Variants in XYLT1 observed in about 807,000 individuals in gnomAD.
XYLT1 encodes xylosyltransferase 1, also known as beta-D-xylosyltransferase 1.
A neutral mutation model predicts 91.3 loss-of-function variants in XYLT1; 36 were observed. The observed-to-expected ratio is 0.39, with a 90% CI of 0.30 to 0.52. The LOEUF is 0.52. Ranked by LOEUF, XYLT1 falls within the 20% of genes least tolerant of loss-of-function variation. The probability of loss-of-function intolerance (pLI) is 0.68; values close to 1 mark genes in which losing one functional copy is unlikely to be tolerated. For synonymous variants in XYLT1, 588 were observed against 532.0 expected (o/e 1.11, Z -1.45); for missense variants, 1,242 against 1,284.5 (o/e 0.97, Z 0.51).
At chr16:17,229,775 A>G (rs1450807710) in intron 3 of XYLT1, among the ~76,000 whole-genome samples, 2 of 152,252 alleles carry the variant, frequency 1.3e-5, no homozygotes, top group African/African-American at 4.8e-5. Flanking sequence ...AATAAGCTGT[A>G]TGTGAGTGTA....
At chr16:17,145,122 A>G (rs780876058) in intron 6 of XYLT1, among the ~76,000 whole-genome samples, 2 of 152,196 alleles carry the variant, frequency 1.3e-5, no homozygotes, top group African/African-American at 4.8e-5. Flanking sequence ...GTCATACAAT[A>G]TATGGCCTTT....
At chr16:17,125,503 C>A (rs538897398) in intron 10 of XYLT1, among the ~76,000 whole-genome samples, 4 of 152,082 alleles carry the variant, frequency 2.6e-5, no homozygotes, top group Non-Finnish European at 5.9e-5. Flanking sequence ...CTCGAGTACT[C>A]CTAGCTCATT....
chr16:17,446,289 CTAAG>C (rs1596550248), intron 1 of XYLT1: 2 of 152,306 alleles, frequency 1.3e-5, no homozygotes, highest in East Asian at 3.9e-4. Flanking sequence ...ATAAAGATGA[CTAAG>C]TGAGACAACA....
At chr16:17,273,040 C>A (rs1321130095) in intron 2 of XYLT1, among the ~76,000 whole-genome samples, 1 of 152,190 alleles carries the variant, frequency 6.6e-6, no homozygotes, top group African/African-American at 2.4e-5. Context: ...CGTGGCTGGA[C>A]AATGAAGAGC....
chr16:17,417,704 G>A (rs1049610112), intron 1 of XYLT1, among the ~76,000 whole-genome samples: 1 of 152,226 alleles, frequency 6.6e-6, no homozygotes, highest in East Asian at 1.9e-4. Context: ...TCGAAAGGTA[G>A]TGTCTTATTC....
At chr16:17,110,484 C>T (rs1240057250) in intron 11 of XYLT1, among the ~76,000 whole-genome samples, 2 of 152,150 alleles carry the variant, frequency 1.3e-5, no homozygotes, top group East Asian at 1.9e-4. Flanking sequence ...GGCCTGCCAC[C>T]GTGTAAGATG....
At chr16:17,368,445 T>C (rs559138082) in intron 1 of XYLT1, among the ~76,000 whole-genome samples, 41 of 152,170 alleles carry the variant, frequency 2.7e-4, no homozygotes, top group Non-Finnish European at 4.9e-4. Context: ...ACCGCTATCA[T>C]TGGTTAAGTC....
chr16:17,149,603 T>C (rs1046675428), intron 6 of XYLT1, among the ~76,000 whole-genome samples: 23 of 152,318 alleles, frequency 1.5e-4, no homozygotes, highest in African/African-American at 5.5e-4. Context: ...CAGTCAGCTA[T>C]GTGAACAGGC....
intron 1 of XYLT1, among the ~76,000 whole-genome samples, chr16:17,411,397 T>G (rs2036105507): frequency 6.6e-6 from 1 of 152,194 alleles, no homozygotes; most frequent in Non-Finnish European, 1.5e-5. Context: ...TATCTAAATT[T>G]CATTGTATTG....
At chr16:17,139,915 G>T (rs1202508735) in intron 7 of XYLT1, among the ~76,000 whole-genome samples, 2 of 152,224 alleles carry the variant, frequency 1.3e-5, no homozygotes, top group African/African-American at 4.8e-5. Context: ...GCTTGGCACT[G>T]CCCCAGACAC....
At chr16:17,170,397 C>T (rs2031795762) in intron 5 of XYLT1, among the ~76,000 whole-genome samples, 1 of 152,208 alleles carries the variant, frequency 6.6e-6, no homozygotes. Context: ...AGGCCAGGAA[C>T]ATGACAGGTT....
At chr16:17,127,224 G>A (rs2030293067) in intron 10 of XYLT1, among the ~76,000 whole-genome samples, 1 of 152,192 alleles carries the variant, frequency 6.6e-6, no homozygotes, top group Non-Finnish European at 1.5e-5. Context: ...GAATCCAGGT[G>A]TGCTAAAAAC....
intron 9 of XYLT1, among the ~76,000 whole-genome samples, chr16:17,128,438 G>GA (rs1458832429): frequency 6.6e-6 from 1 of 152,136 alleles, no homozygotes; most frequent in African/African-American, 2.4e-5. Flanking sequence ...TCTAGCATTG[G>GA]ATGATAACTC....
At chr16:17,173,945 C>T (rs574567378) in intron 5 of XYLT1, among the ~76,000 whole-genome samples, 1 of 152,178 alleles carries the variant, frequency 6.6e-6, no homozygotes, top group Admixed American at 6.5e-5. Flanking sequence ...TATCTGGTAG[C>T]CCTTGTTTTT....
chr16:17,338,869 C>T (rs772312503), intron 2 of XYLT1, among the ~76,000 whole-genome samples: 12 of 152,284 alleles, frequency 7.9e-5, no homozygotes, highest in Admixed American at 2.6e-4. Context: ...ATCATTCACC[C>T]GTTAAGGTCA....
intron 1 of XYLT1, among the ~76,000 whole-genome samples, chr16:17,364,541 A>G (rs2035424548): frequency 6.6e-6 from 1 of 152,194 alleles, no homozygotes; most frequent in South Asian, 2.1e-4. Context: ...CAACCCTACT[A>G]AACCACAAGT....
intron 3 of XYLT1, among the ~76,000 whole-genome samples, chr16:17,238,957 T>G (rs1490075793): frequency 6.6e-6 from 1 of 152,186 alleles, no homozygotes; most frequent in African/African-American, 2.4e-5. Context: ...ATTTCTCCAT[T>G]TCAGTCAGTG....
chr16:17,271,417 C>G (rs548578704), intron 2 of XYLT1, among the ~76,000 whole-genome samples: 1 of 151,600 alleles, frequency 6.6e-6, no homozygotes, highest in East Asian at 1.9e-4. Flanking sequence ...GAGAAAGATA[C>G]AGAGAGAGAC....
intron 3 of XYLT1, chr16:17,250,030 A>G (rs912229568): frequency 1.3e-5 from 2 of 152,278 alleles, no homozygotes; most frequent in South Asian, 2.1e-4. Flanking sequence ...ATCCTGCTCA[A>G]CGTCTTCAAA....
Sources: allele counts gnomAD v4.1 joint callset (sites outside exome capture counted in the v4.1 genomes callset), GRCh38; gene constraint gnomAD v4.1.1; transcripts MANE v1.5; gene names NCBI Gene and HGNC (gene_info 2026-07-23, HGNC 2026-07-21).